The following DGKH variants were observed in gnomAD, a reference collection of about 807,000 sequenced individuals.
DGKH encodes DAG kinase eta.
In DGKH, 90 loss-of-function variants were observed where a neutral mutation model predicts 159.3. The observed-to-expected ratio is 0.57, with a 90% CI of 0.48 to 0.67. The LOEUF is 0.67. Ranked by LOEUF, DGKH falls within the 30% of genes least tolerant of loss-of-function variation. DGKH has a pLI of 0.00. For missense variants in DGKH, 1,181 were observed against 1,506.1 expected (o/e 0.78, Z 3.57); for synonymous variants, 536 against 553.8 (o/e 0.97, Z 0.45).
At chr13:42,173,480 C>G (rs911380685) in intron 11 of DGKH, among the ~76,000 whole-genome samples, 1 of 152,094 alleles carries the variant, frequency 6.6e-6, no homozygotes, top group African/African-American at 2.4e-5. Context: ...TATTTTCCCC[C>G]TACTCTCATG....
rs1184558430 is a variant in DGKH at position 42,048,973 on chromosome 13, G to C, written c.192+8G>C. 3.9e-6 allele frequency: 5 copies of C among 1,281,166 alleles called. No homozygotes were observed. In the African/African-American group the frequency reaches 6.1e-5, roughly 16 times the overall value. 79.4% of individuals were successfully genotyped at this position (1,281,166 alleles called of 1,614,324 possible). A position where few individuals can be genotyped will look rare whatever the true frequency, so the allele number is the denominator to read the frequency against. ...GGGCAGATCCGGACCAAGGTAGGGC[G>C]GAGGAGGCGGGCCTGAGGGCCGCGT... On this transcript the variant is annotated splice_region_variant and intron_variant, in intron 1 of 29. Coordinates refer to ENST00000337343, the MANE Select transcript of DGKH (RefSeq NM_178009.5). This position sits in a 1 kb window ranked among gnomAD's most constrained non-coding sequence, Gnocchi z 6.7.
At chr13:42,157,926 A>AT (rs987847584) in intron 5 of DGKH, among the ~76,000 whole-genome samples, 4 of 152,036 alleles carry the variant, frequency 2.6e-5, no homozygotes, top group African/African-American at 9.7e-5. Context: ...CACCCGGCTA[A>AT]TTTTTTTATT....
chr13:42,171,056 G>A (rs949494766), intron 11 of DGKH, among the ~76,000 whole-genome samples: 1 of 152,070 alleles, frequency 6.6e-6, no homozygotes, highest in African/African-American at 2.4e-5. Context: ...GGTTGGGTCA[G>A]AAAAGCATTA....
At chr13:42,221,036 C>A (rs1048038865) in intron 28 of DGKH, 3 of 405,824 alleles carry the variant, frequency 7.4e-6, no homozygotes, top group Non-Finnish European at 8.7e-6. Flanking sequence ...TAAAGCTAAG[C>A]ATGGGTGCAC....
intron 24 of DGKH, among the ~76,000 whole-genome samples, chr13:42,214,044 A>G (rs929324831): frequency 1.3e-5 from 2 of 152,198 alleles, no homozygotes; most frequent in Non-Finnish European, 2.9e-5. Context: ...TCATAGCTAC[A>G]TTTAAAGGCT....
intron 29 of DGKH, among the ~76,000 whole-genome samples, chr13:42,251,157 T>A (rs1771175443): frequency 6.6e-6 from 1 of 151,988 alleles, no homozygotes; most frequent in African/African-American, 2.4e-5. Context: ...TAGTGAAAAA[T>A]TTATTGTAAA....
intron 1 of DGKH, among the ~76,000 whole-genome samples, chr13:42,102,601 C>T (rs1294246722): frequency 6.6e-6 from 1 of 152,198 alleles, no homozygotes; most frequent in Non-Finnish European, 1.5e-5. Flanking sequence ...AGACACTCTG[C>T]CTAGTGAATT....
intron 3 of DGKH, among the ~76,000 whole-genome samples, chr13:42,139,594 CT>C (rs1330318294): frequency 6.6e-6 from 1 of 152,220 alleles, no homozygotes; most frequent in Non-Finnish European, 1.5e-5. Flanking sequence ...AACCTGCTGC[CT>C]CTAGTACTTT....
chr13:42,217,416 T>C (rs1165160045), intron 26 of DGKH, among the ~76,000 whole-genome samples: 1 of 151,996 alleles, frequency 6.6e-6, no homozygotes, highest in Admixed American at 6.6e-5. Flanking sequence ...TTTTTTTTTT[T>C]CTTTTCAATA....
chr13:42,152,960 C>T (rs1371096909), intron 3 of DGKH, among the ~76,000 whole-genome samples: 5 of 152,134 alleles, frequency 3.3e-5, no homozygotes, highest in African/African-American at 4.8e-5. Flanking sequence ...ACAATTAATG[C>T]TCTTTTAGCA....
In DGKH at chr13:42,214,597, C is replaced by T. The variant is rs778384903; in HGVS notation, c.3105C>T (p.Asn1035=). Residue 1035 remains asparagine, a synonymous_variant, in exon 25 of 30, where the codon AAC becomes AAT. Transcript: ENST00000337343. The stretch of plus-strand genomic sequence containing the variant: ...GCTCCCATGCCCTGAATAAAGCCAA[C>T]CCAAGGTGCCCGGAGGTGAGGATCT... ...NACSHALNKA[N]PRCPESLTRD... The T allele has an allele frequency of 1.2e-6, 2 of 1,613,458 alleles. No individual in the cohort carries two copies. Among genetic ancestry groups the T allele is most frequent in the South Asian group, 2.2e-5 (2 of 90,920 alleles).
intron 7 of DGKH, among the ~76,000 whole-genome samples, chr13:42,160,745 G>T (rs1956160541): frequency 6.6e-6 from 1 of 152,218 alleles, no homozygotes; most frequent in Non-Finnish European, 1.5e-5. Flanking sequence ...CAATGATAGT[G>T]ATTGCCTTGC....
At chr13:42,128,863 C>A (rs1034647753) in intron 2 of DGKH, among the ~76,000 whole-genome samples, 1 of 152,098 alleles carries the variant, frequency 6.6e-6, no homozygotes, top group African/African-American at 2.4e-5. Flanking sequence ...TTTCAAGTTC[C>A]GCTGTCAACT....
intron 3 of DGKH, among the ~76,000 whole-genome samples, chr13:42,143,100 A>G (rs1396067165): frequency 7.6e-6 from 1 of 131,144 alleles, no homozygotes; most frequent in African/African-American, 2.7e-5. Context: ...GAGAGTTTTT[A>G]GCATGAAGGG....
chr13:42,070,918 ACACT>A, intron 1 of DGKH: 1 of 1,266,578 alleles, frequency 7.9e-7, no homozygotes, highest in Non-Finnish European at 1.2e-6. Context: ...AGCATGTTTG[ACACT>A]CTGGGGATTG....
At chr13:42,108,163 G>T (rs952243990) in intron 1 of DGKH, among the ~76,000 whole-genome samples, 1 of 152,116 alleles carries the variant, frequency 6.6e-6, no homozygotes, top group East Asian at 1.9e-4. Flanking sequence ...TGGTGTGCTG[G>T]TCTTGGAAGC....
chr13:42,045,155 T>G (rs1345190847), upstream of DGKH, among the ~76,000 whole-genome samples: 1 of 152,018 alleles, frequency 6.6e-6, no homozygotes, highest in Non-Finnish European at 1.5e-5. Context: ...ACAACAAAAC[T>G]AGCTAGGACT....
chr13:42,079,335 T>A (rs1270000693), intron 1 of DGKH, among the ~76,000 whole-genome samples: 1 of 152,160 alleles, frequency 6.6e-6, no homozygotes, highest in Non-Finnish European at 1.5e-5. Context: ...TTATGGGGTA[T>A]ATGTGCAATT....
chr13:42,174,730 C>T (rs982111495), intron 12 of DGKH, among the ~76,000 whole-genome samples: 1 of 152,148 alleles, frequency 6.6e-6, no homozygotes, highest in African/African-American at 2.4e-5. Context: ...GAGACAGGGT[C>T]TTGCTCTGTG....
Sources: gnomAD v4.1 joint callset for allele counts (sites outside exome capture counted in the v4.1 genomes callset) on GRCh38, gnomAD v4.1.1 for gene constraint, Gnocchi (gnomAD v3.1) non-coding constraint, MANE v1.5 for transcripts, NCBI Gene and HGNC (gene_info 2026-07-23, HGNC 2026-07-21) for gene names.